PLAAT3: variants seen among roughly 807,000 people sequenced by gnomAD.
PLAAT3 encodes Ca-independent phospholipase A1/2.
In PLAAT3, 21 loss-of-function variants were observed where a neutral mutation model predicts 16.7. The observed-to-expected ratio is 1.26, with a 90% CI of 0.89 to 1.81. The LOEUF (loss-of-function observed/expected upper bound fraction) is 1.81, where lower values mean the gene tolerates loss of function less well. PLAAT3 is among the 40% of genes most tolerant of loss of function. The pLI, the probability that PLAAT3 is intolerant of heterozygous loss-of-function variation, is 0.00. For synonymous variants in PLAAT3, 76 were observed against 81.7 expected, an observed-to-expected ratio of 0.93 and a Z score of 0.38; for missense variants, 219 against 213.7, an observed-to-expected ratio of 1.02 and a Z score of -0.16.
At chr11:63,583,714 G>A (rs1937885501) in intron 4 of PLAAT3, among the ~76,000 whole-genome samples, 1 of 152,138 alleles carries the variant, frequency 6.6e-6, no homozygotes. Flanking sequence ...TGGGCTACCT[G>A]GTGTGTGTCA....
intron 2 of PLAAT3, among the ~76,000 whole-genome samples, chr11:63,600,575 G>GT (rs982588815): frequency 2.3e-5 from 3 of 132,468 alleles, no homozygotes; most frequent in Admixed American, 7.7e-5. Flanking sequence ...CATCTTCATG[G>GT]TTTTTTTGTT....
chr11:63,610,138 A>G (rs1364280238), intron 2 of PLAAT3, among the ~76,000 whole-genome samples: 1 of 152,168 alleles, frequency 6.6e-6, no homozygotes, highest in Admixed American at 6.5e-5. Context: ...AATTCACTCC[A>G]AGGTACTGAC....
At chr11:63,609,214 G>A (rs1438759923) in intron 2 of PLAAT3, among the ~76,000 whole-genome samples, 3 of 152,206 alleles carry the variant, frequency 2.0e-5, no homozygotes, top group Non-Finnish European at 4.4e-5. Flanking sequence ...CACTTCTGAC[G>A]CCCTGGGGGG....
intron 4 of PLAAT3, among the ~76,000 whole-genome samples, chr11:63,576,592 C>T (rs1430055401): frequency 2.0e-5 from 3 of 152,146 alleles, no homozygotes; most frequent in Non-Finnish European, 1.5e-5. Flanking sequence ...CATTGGGCTC[C>T]GTCCTTGGCA....
Position 63,589,782 on chromosome 11 carries a change from TA to T in PLAAT3, c.387+317del, listed in dbSNP as rs1202930512. Among the ~76,000 whole-genome samples, 13 of 152,306 alleles carry T rather than the reference TA, an allele frequency of 8.5e-5. No homozygotes were observed. The East Asian group carries it at 2.1e-3, about 25-fold the overall frequency. On this transcript the variant is annotated intron_variant, in intron 4 of 4. Coordinates refer to ENST00000415826, the MANE Select transcript of PLAAT3 (RefSeq NM_001128203.2). The stretch of plus-strand genomic sequence containing the variant: ...TCCCAATCTGTAAGGTAGTGGGTCC[TA>T]AAACCTGCCTTTAGGGCTGGGGAGG...
At chr11:63,589,870 A>G (rs1938095774) in intron 4 of PLAAT3, among the ~76,000 whole-genome samples, 1 of 151,238 alleles carries the variant, frequency 6.6e-6, no homozygotes, top group Admixed American at 6.6e-5. Context: ...CATGTCTGTG[A>G]CTCCTTTCCT....
At chr11:63,578,180 G>C (rs991260192) in intron 4 of PLAAT3, among the ~76,000 whole-genome samples, 4 of 152,016 alleles carry the variant, frequency 2.6e-5, no homozygotes, top group Non-Finnish European at 4.4e-5. Context: ...CCACTTGGGA[G>C]ACTGAGGCTG....
At chr11:63,596,456 C>T (rs2134416047) in intron 3 of PLAAT3, among the ~76,000 whole-genome samples, 1 of 151,906 alleles carries the variant, frequency 6.6e-6, no homozygotes, top group Middle Eastern at 3.4e-3. Flanking sequence ...GATTCAAGCA[C>T]ATGACATTTA....
At chr11:63,585,113 C>A (rs1245876736) in intron 4 of PLAAT3, among the ~76,000 whole-genome samples, 1 of 151,858 alleles carries the variant, frequency 6.6e-6, no homozygotes, top group Non-Finnish European at 1.5e-5. Flanking sequence ...CTGCAACCTC[C>A]ACCTCCCGGG....
chr11:63,605,365 T>A (rs1390579926), intron 2 of PLAAT3, among the ~76,000 whole-genome samples: 1 of 151,904 alleles, frequency 6.6e-6, no homozygotes, highest in East Asian at 2.0e-4. Flanking sequence ...GCCATTGTAC[T>A]CCAGCCTGGG....
chr11:63,597,066 AC>A (rs1027280732), intron 3 of PLAAT3, among the ~76,000 whole-genome samples: 7 of 149,872 alleles, frequency 4.7e-5, no homozygotes, highest in African/African-American at 1.7e-4. Context: ...ATGGCACTCT[AC>A]CCTGGGCAAG....
At chr11:63,593,406 A>T (rs565731485) in intron 3 of PLAAT3, among the ~76,000 whole-genome samples, 10 of 152,262 alleles carry the variant, frequency 6.6e-5, no homozygotes, top group African/African-American at 2.2e-4. Context: ...TGCAGGGAGG[A>T]GAGAGCTTGG....
chr11:63,575,073 A>ACT, intron 4 of PLAAT3, 27 bp from the exon 5 acceptor site: 1 of 1,440,714 alleles, frequency 6.9e-7, no homozygotes, highest in African/African-American at 1.4e-5. Context: ...GGTGGGTCAC[A>ACT]CTCTGTGTCA....
At chr11:63,598,263 G>A in intron 2 of PLAAT3, 100 bp from the exon 3 acceptor site, 1 of 776,180 alleles carries the variant, frequency 1.3e-6, no homozygotes. Context: ...CCAGCTATCA[G>A]CTCAGCAGAA....
rs571261289 is a variant in PLAAT3 at position 63,614,354 on chromosome 11, G to T, written c.-55+31C>A. On this transcript the variant is annotated intron_variant, in intron 1 of 4. Transcript: ENST00000415826. ...CCCAGGCACCTCGCCCGGCCTTATC[G>T]CACCCTTCCAGGAAGACCCGATCCA... 18 of 355,060 alleles carry T rather than the reference G, an allele frequency of 5.1e-5. No individual in the cohort carries two copies. In the East Asian group the frequency reaches 7.5e-4, roughly 15 times the overall value. 22.0% of individuals were successfully genotyped at this position (355,060 alleles called of 1,614,324 possible). A position where few individuals can be genotyped will look rare whatever the true frequency, so the allele number is the denominator to read the frequency against.
chr11:63,590,029 C>T, intron 4 of PLAAT3, 71 bp downstream of exon 4: 1 of 1,464,842 alleles, frequency 6.8e-7, no homozygotes, highest in Non-Finnish European at 9.4e-7. Context: ...GCCTCCATAG[C>T]CATGCCCAGC....
Position 63,581,088 on chromosome 11 carries a change from C to T in PLAAT3, c.388-6042G>A, listed in dbSNP as rs180843543. Among the ~76,000 whole-genome samples, 7 of 152,286 alleles carry T rather than the reference C, an allele frequency of 4.6e-5. No homozygotes were observed. In the South Asian group the frequency reaches 6.2e-4, roughly 14 times the overall value. On this transcript the variant is annotated intron_variant, in intron 4 of 4. Coordinates refer to ENST00000415826, the MANE Select transcript of PLAAT3 (RefSeq NM_001128203.2). ...TTTAATCTCTTAATCACGTTATCTTCGTAAGCTGAGAATGTACGTCACCTC... is the reference window on the plus strand; with the variant it reads ...TTTAATCTCTTAATCACGTTATCTTTGTAAGCTGAGAATGTACGTCACCTC...
chr11:63,576,921 T>A (rs763720985), intron 4 of PLAAT3, among the ~76,000 whole-genome samples: 4 of 152,086 alleles, frequency 2.6e-5, no homozygotes, highest in Non-Finnish European at 5.9e-5. Flanking sequence ...GTAATTTCTC[T>A]TGGAAAAAAA....
rs1451591882 is a variant in PLAAT3 at position 63,574,843 on chromosome 11, T to C, written c.*102A>G. The C allele has an allele frequency of 1.4e-6, 1 of 730,584 alleles. No individual in the cohort carries two copies. The highest frequency in any genetic ancestry group is 1.8e-5 in the African/African-American group (1 of 57,078). 45.3% of individuals were successfully genotyped at this position (730,584 alleles called of 1,614,324 possible). A position where few individuals can be genotyped will look rare whatever the true frequency, so the allele number is the denominator to read the frequency against. On this transcript the variant is annotated 3_prime_UTR_variant, in exon 5 of 5. Transcript: ENST00000415826. ...TTTTATTCTGTGAAAATAAGCCTTA[T>C]TATAAATCACAATGAAATCCACAAA...
Sources: gnomAD v4.1 joint callset for allele counts (sites outside exome capture counted in the v4.1 genomes callset) on GRCh38, gnomAD v4.1.1 for gene constraint, MANE v1.5 for transcripts, NCBI Gene and HGNC (gene_info 2026-07-23, HGNC 2026-07-21) for gene names.